The following CLIP3 variants were observed in gnomAD, a reference collection of about 807,000 sequenced individuals.
The protein encoded by CLIP3 is CAP-Gly domain containing linker protein 3.
A neutral mutation model predicts 59.4 loss-of-function variants in CLIP3; 15 were observed. The observed-to-expected ratio is 0.25, with a 90% confidence interval of 0.17 to 0.39. CLIP3 has a LOEUF of 0.39. Among genes scored for constraint, CLIP3 ranks in the 10% least tolerant of loss-of-function variants. The pLI, the probability that CLIP3 is intolerant of heterozygous loss-of-function variation, is 1.00. For missense variants in CLIP3, 495 were observed against 765.7 expected (o/e 0.65, Z 4.17); for synonymous variants, 300 against 321.6 (o/e 0.93, Z 0.72).
chr19:36,026,538 C>T lies in CLIP3; in HGVS notation c.562+48G>A. On this transcript the variant is annotated intron_variant, in intron 5 of 13. Coordinates refer to ENST00000360535, the MANE Select transcript of CLIP3 (RefSeq NM_015526.3). The surrounding 1 kb of genome is among the most constrained non-coding windows in gnomAD (Gnocchi z 6.3). ...CCTGGCCTCACCTGGGTCTCCGCGT[C>T]CCTCACCCAGGTCCTTGCCCCCTCC... The T allele has an allele frequency of 1.2e-6, 2 of 1,605,892 alleles. No homozygotes were observed. The highest frequency in any genetic ancestry group is 1.7e-6 in the Non-Finnish European group (2 of 1,175,160).
At chr19:36,022,177 G>A (rs950908839) in intron 7 of CLIP3, among the ~76,000 whole-genome samples, 3 of 152,188 alleles carry the variant, frequency 2.0e-5, no homozygotes, top group Non-Finnish European at 4.4e-5. Context: ...ACCGCGCCCC[G>A]ACAATTAGTG....
At position 36,017,775 on chromosome 19, in the gene CLIP3, T is replaced by C; in HGVS notation, c.1331A>G (p.Tyr444Cys). 6.2e-7 allele frequency: 1 copy of C among 1,614,084 alleles called. No homozygotes were observed. Among genetic ancestry groups the C allele is most frequent in the Non-Finnish European group, 8.5e-7 (1 of 1,180,022 alleles). Residue 444 changes from tyrosine (Y) to cysteine (C), a missense_variant, in exon 11 of 14, where the codon TAC (tyrosine) becomes TGC (cysteine). Physicochemically the swap from Tyr to Cys is radical, Grantham distance 194 (BLOSUM62 -2). Around this residue, in one of 5 missense-constraint regions of CLIP3, gnomAD observed 179 missense variants for 226.2 expected, o/e 0.79. Transcript: ENST00000360535. ...FYGKTDFAPG[Y>C]WYGIELDQPT... ...CTGGTCCAGCTCAATGCCATACCAG[T>C]AACCTGCAGCACGAGGGTGTCAGGA...
rs562914662 is a variant in CLIP3 at position 36,021,525 on chromosome 19, G to A, written c.919-2219C>T. ...GCTGGTCTTGAACTCCTGGGCTCAAGCGATCCTCTCACTTCAGCCTCCCAA... is the reference window on the plus strand; with the variant it reads ...GCTGGTCTTGAACTCCTGGGCTCAAACGATCCTCTCACTTCAGCCTCCCAA... On this transcript the variant is annotated intron_variant, in intron 7 of 13. Coordinates refer to ENST00000360535, the MANE Select transcript of CLIP3 (RefSeq NM_015526.3). Among the ~76,000 whole-genome samples, 8 of 152,236 alleles carry A rather than the reference G, an allele frequency of 5.3e-5. 1 individual carries two copies. The South Asian group carries it at 1.4e-3, about 28-fold the overall frequency.
rs779089056 is a variant in CLIP3 at position 36,024,419 on chromosome 19, G to A, written c.895C>T (p.Arg299Cys). The A allele has an allele frequency of 1.3e-5, 21 of 1,613,602 alleles. No individual in the cohort carries two copies. The highest frequency in any genetic ancestry group is 8.0e-5 in the African/African-American group (6 of 74,892). ...ACCTTCTGGCCATCCAGCAGCACGC[G>A]GTCTCCCAGGCGCAAGCCCAGTGCG... ...LSALGLRLGDRVLLDGQKTGT... is the reference protein window; with the variant it reads ...LSALGLRLGDCVLLDGQKTGT... Residue 299 changes from arginine (R) to cysteine (C), a missense_variant, in exon 7 of 14, where the codon CGC becomes TGC. Transcript: ENST00000360535.
Position 36,015,990 on chromosome 19 carries a change from T to C in CLIP3, c.*168A>G. 1 of 693,234 alleles carries C rather than the reference T, an allele frequency of 1.4e-6. No homozygotes were observed. Among genetic ancestry groups the C allele is most frequent in the Non-Finnish European group, 2.6e-6 (1 of 388,398 alleles). The allele number at this position is 693,234 out of a possible 1,614,324, so 42.9% of individuals were successfully genotyped here. A position where few individuals can be genotyped will look rare whatever the true frequency, so the allele number is the denominator to read the frequency against. On this transcript the variant is annotated 3_prime_UTR_variant, in exon 14 of 14. Transcript: ENST00000360535. ...CATGGGGTCTGTATTTGGGGGTTAT[T>C]ATGGGAGTATCTGTTAATAATGGGG...
In CLIP3 at chr19:36,024,392, T is replaced by G; in HGVS notation, c.918+4A>C. 1 of 1,144,108 alleles carries G rather than the reference T, an allele frequency of 8.7e-7. No individual in the cohort carries two copies. The highest frequency in any genetic ancestry group is 1.3e-6 in the Non-Finnish European group (1 of 782,888). 70.9% of individuals were successfully genotyped at this position (1,144,108 alleles called of 1,614,324 possible). A position where few individuals can be genotyped will look rare whatever the true frequency, so the allele number is the denominator to read the frequency against. On this transcript the variant is annotated splice_donor_region_variant and intron_variant, in intron 7 of 13. Transcript: ENST00000360535. Reference sequence around the variant, plus strand: ...CCATGCAAACACACATCCCAGCCCCTGACCTTCTGGCCATCCAGCAGCACG... The same window carrying G: ...CCATGCAAACACACATCCCAGCCCCGGACCTTCTGGCCATCCAGCAGCACG...
At chr19:36,031,827 A>G (rs935554807) in intron 2 of CLIP3, among the ~76,000 whole-genome samples, 1 of 152,184 alleles carries the variant, frequency 6.6e-6, no homozygotes, top group African/African-American at 2.4e-5. Flanking sequence ...ATGGTTTAAT[A>G]CCTATTTGTG....
chr19:36,029,791 G>A (rs903070856), intron 2 of CLIP3, among the ~76,000 whole-genome samples: 4 of 152,102 alleles, frequency 2.6e-5, no homozygotes, highest in Non-Finnish European at 4.4e-5. Flanking sequence ...TTGAATTAAT[G>A]TACAAATTTA....
intron 12 of CLIP3, 48 bp downstream of exon 12, chr19:36,017,338 C>G: frequency 6.4e-7 from 1 of 1,567,238 alleles, no homozygotes. Context: ...GACCCTTCCT[C>G]CCATCCCCAA....
In CLIP3 at chr19:36,015,996, A is replaced by G; in HGVS notation, c.*162T>C. ...GTCTGTATTTGGGGGTTATTATGGGAGTATCTGTTAATAATGGGGCCTCAA... is the reference window on the plus strand; with the variant it reads ...GTCTGTATTTGGGGGTTATTATGGGGGTATCTGTTAATAATGGGGCCTCAA... On this transcript the variant is annotated 3_prime_UTR_variant, in exon 14 of 14. Transcript: ENST00000360535. 2 of 705,876 alleles carry G rather than the reference A, an allele frequency of 2.8e-6. No individual in the cohort carries two copies. Among genetic ancestry groups the G allele is most frequent in the Admixed American group, 4.4e-5 (2 of 45,046 alleles). 43.7% of individuals were successfully genotyped at this position (705,876 alleles called of 1,614,324 possible). A position where few individuals can be genotyped will look rare whatever the true frequency, so the allele number is the denominator to read the frequency against.
In CLIP3 at chr19:36,018,883, G is replaced by T. The variant is rs1056687915; in HGVS notation, c.1183+15C>A. ...CCAAACTGGCTCTTCCCACCACAGG[G>T]ATCCCCTCTCTGACCTTTGTGTTCC... On this transcript the variant is annotated intron_variant, in intron 9 of 13. Transcript: ENST00000360535. 1 of 1,611,536 alleles carries T rather than the reference G, an allele frequency of 6.2e-7. No individual in the cohort carries two copies. Among genetic ancestry groups the T allele is most frequent in the African/African-American group, 1.3e-5 (1 of 74,896 alleles).
Position 36,016,421 on chromosome 19 carries a change from C to A in CLIP3, c.1590-209G>T, listed in dbSNP as rs554006593. Among the ~76,000 whole-genome samples, 5 of 152,328 alleles carry A rather than the reference C, an allele frequency of 3.3e-5. No individual in the cohort carries two copies. In the South Asian group the frequency reaches 1.0e-3, roughly 32 times the overall value. ...GGAGTGCCATGGCACGATCTCGGCTCACTGCAACCTCTGCCTCCCAGGTTC... is the reference window on the plus strand; with the variant it reads ...GGAGTGCCATGGCACGATCTCGGCTAACTGCAACCTCTGCCTCCCAGGTTC... On this transcript the variant is annotated intron_variant, in intron 13 of 13. Transcript: ENST00000360535. This position sits in a 1 kb window ranked among gnomAD's most constrained non-coding sequence, Gnocchi z 4.1.
At chr19:36,017,038 C>A in intron 12 of CLIP3, 59 bp from the exon 13 acceptor site, 1 of 1,536,758 alleles carries the variant, frequency 6.5e-7, no homozygotes, top group Admixed American at 1.8e-5. Context: ...GTCCTCAATA[C>A]CCATCCAGAC....
chr19:36,025,065 CAAA>C (rs923953735), intron 6 of CLIP3, among the ~76,000 whole-genome samples: 4 of 109,654 alleles, frequency 3.6e-5, no homozygotes, highest in Non-Finnish European at 3.9e-5. Flanking sequence ...GACTCCGTCT[CAAA>C]AAAAAAAAAA....
At position 36,024,538 on chromosome 19, in the gene CLIP3, C is replaced by A; in HGVS notation, c.776G>T (p.Arg259Leu). ...AEAALVAKELRTLLEEAVPLS... is the reference protein window; with the variant it reads ...AEAALVAKELLTLLEEAVPLS... ...TGGCACTGCCTCTTCCAGAAGCGTCCGCAGCTCCTTGGCCACCAGTGCCGC... is the reference window on the plus strand; with the variant it reads ...TGGCACTGCCTCTTCCAGAAGCGTCAGCAGCTCCTTGGCCACCAGTGCCGC... The change falls in exon 7 of 14, where the codon CGG becomes CTG. Residue 259 changes from arginine to leucine, a missense_variant. Physicochemically the swap from Arg to Leu is moderately radical, Grantham distance 102 (BLOSUM62 -2). This residue lies in a region of CLIP3 where 194 missense variants were observed against 327.8 expected (regional missense o/e 0.59). Transcript: ENST00000360535. 2 of 1,614,234 alleles carry A rather than the reference C, an allele frequency of 1.2e-6. No homozygotes were observed. Among genetic ancestry groups the A allele is most frequent in the Non-Finnish European group, 1.7e-6 (2 of 1,180,044 alleles).
At chr19:36,020,705 T>C (rs145651799) in intron 7 of CLIP3, among the ~76,000 whole-genome samples, 31 of 152,360 alleles carry the variant, frequency 2.0e-4, no homozygotes, top group African/African-American at 6.3e-4. Context: ...AATTGTCACA[T>C]GTAGCTTGTA....
rs901423335 is a variant in CLIP3 at position 36,026,186 on chromosome 19, G to C, written c.642C>G (p.Ala214=). 3.1e-6 allele frequency: 5 copies of C among 1,613,728 alleles called. No homozygotes were observed. Among genetic ancestry groups the C allele is most frequent in the Admixed American group, 1.7e-5 (1 of 60,000 alleles). ...IAASSLCLGA[A]KCLLEHGANP... ...TGGCGCCGTGCTCCAGCAAACATTT[G>C]GCGGCGCCCAGGCACAGGCTGGAAG... The change falls in exon 6 of 14, where the codon GCC becomes GCG. Residue 214 remains alanine, a synonymous_variant. Transcript: ENST00000360535. This position sits in a 1 kb window ranked among gnomAD's most constrained non-coding sequence, Gnocchi z 6.3.
In CLIP3 at chr19:36,016,821, G is replaced by C; in HGVS notation, c.1589+86C>G. The stretch of plus-strand genomic sequence containing the variant: ...TAACCTCTCTTTCCAGCCCTGACCA[G>C]AGCTCCAGACCTCTGGGTCCAACTG... On this transcript the variant is annotated intron_variant, in intron 13 of 13. Coordinates refer to ENST00000360535, the MANE Select transcript of CLIP3 (RefSeq NM_015526.3). This position sits in a 1 kb window ranked among gnomAD's most constrained non-coding sequence, Gnocchi z 4.1. 1 of 1,404,744 alleles carries C rather than the reference G, an allele frequency of 7.1e-7. No homozygotes were observed. Among genetic ancestry groups the C allele is most frequent in the East Asian group, 2.4e-5 (1 of 41,452 alleles). 87.0% of individuals were successfully genotyped at this position (1,404,744 alleles called of 1,614,324 possible). A position where few individuals can be genotyped will look rare whatever the true frequency, so the allele number is the denominator to read the frequency against.
chr19:36,025,347 T>A (rs1969073618), intron 6 of CLIP3, among the ~76,000 whole-genome samples: 1 of 151,658 alleles, frequency 6.6e-6, no homozygotes, highest in Non-Finnish European at 1.5e-5. Context: ...TCCTAGCAAT[T>A]TGTGAGGCCG....
Sources: allele counts gnomAD v4.1 joint callset (sites outside exome capture counted in the v4.1 genomes callset), GRCh38; gene constraint gnomAD v4.1.1; regional missense constraint gnomAD v4.1.1; non-coding constraint Gnocchi (gnomAD v3.1); transcripts MANE v1.5; gene names NCBI Gene and HGNC (gene_info 2026-07-23, HGNC 2026-07-21).